ZMYM2: variants seen among roughly 807,000 people sequenced by gnomAD.
ZMYM2 encodes zinc finger MYM-type containing 2, also known as zinc finger MYM-type protein 2.
In ZMYM2, 56 loss-of-function variants were observed where a neutral mutation model predicts 162.8. The ratio of observed to expected loss-of-function variants is 0.34; its 90% CI spans 0.28 to 0.43. The LOEUF (loss-of-function observed/expected upper bound fraction) is 0.43, where lower values mean the gene tolerates loss of function less well. ZMYM2 is among the 20% of genes least tolerant of loss of function. ZMYM2 has a pLI of 1.00. For missense variants in ZMYM2, 1,275 were observed against 1,621.8 expected (o/e 0.79, Z 3.67); for synonymous variants, 510 against 541.6 (o/e 0.94, Z 0.81).
chr13:19,883,953 C>T, the ZMYM2 span, among the ~76,000 whole-genome samples: 1 of 152,212 alleles, frequency 6.6e-6, no homozygotes, highest in African/African-American at 2.4e-5. Context: ...GACGGGGTTT[C>T]ACCATGTTGC....
chr13:19,996,090 C>T (rs544061607), intron 3 of ZMYM2, among the ~76,000 whole-genome samples: 7 of 152,192 alleles, frequency 4.6e-5, no homozygotes, highest in African/African-American at 9.6e-5. Context: ...GTGTGTCTAT[C>T]GGCGTTTCTC....
At chr13:19,997,169 A>G (rs2139809355) in intron 3 of ZMYM2, among the ~76,000 whole-genome samples, 1 of 152,272 alleles carries the variant, frequency 6.6e-6, no homozygotes, top group Non-Finnish European at 1.5e-5. Flanking sequence ...TTTTTCCTCC[A>G]CTGCATTTTC....
chr13:20,056,313 A>G (rs888642952), intron 14 of ZMYM2, among the ~76,000 whole-genome samples: 1 of 152,174 alleles, frequency 6.6e-6, no homozygotes, highest in Non-Finnish European at 1.5e-5. Flanking sequence ...GAAGTTGAAC[A>G]CTATCTTCAG....
chr13:20,042,139 C>G (rs1321324257), intron 12 of ZMYM2, among the ~76,000 whole-genome samples: 2 of 152,104 alleles, frequency 1.3e-5, no homozygotes, highest in African/African-American at 4.8e-5. Flanking sequence ...TGGATGATAT[C>G]CAGAAATATG....
chr13:20,040,184 C>T (rs1954118071), intron 12 of ZMYM2, among the ~76,000 whole-genome samples: 1 of 152,172 alleles, frequency 6.6e-6, no homozygotes, highest in Non-Finnish European at 1.5e-5. Flanking sequence ...CTTTGTACAT[C>T]TGGTAGAATT....
At chr13:19,886,186 CAG>C in the ZMYM2 span, among the ~76,000 whole-genome samples, 17 of 86,122 alleles carry the variant, frequency 2.0e-4, no homozygotes, top group Non-Finnish European at 2.6e-4. Context: ...TTTTTTGAGA[CAG>C]AGTTTCACTC....
chr13:20,084,097 A>G (rs1286424513), intron 24 of ZMYM2, among the ~76,000 whole-genome samples: 1 of 152,020 alleles, frequency 6.6e-6, no homozygotes, highest in Non-Finnish European at 1.5e-5. Flanking sequence ...TTGCAACCTC[A>G]AACTCCTGGG....
chr13:19,984,748 C>T (rs1422940498), intron 2 of ZMYM2, among the ~76,000 whole-genome samples: 3 of 152,168 alleles, frequency 2.0e-5, no homozygotes, highest in East Asian at 3.8e-4. Context: ...TATTTACAGT[C>T]TATGATTTTA....
At chr13:19,964,593 A>G (rs980971939) in intron 2 of ZMYM2, among the ~76,000 whole-genome samples, 3 of 152,076 alleles carry the variant, frequency 2.0e-5, no homozygotes, top group South Asian at 2.1e-4. Context: ...AAACTTTTGC[A>G]CGTTTATGTT....
At chr13:20,003,651 T>A (rs1053990410) in intron 4 of ZMYM2, among the ~76,000 whole-genome samples, 2 of 151,778 alleles carry the variant, frequency 1.3e-5, no homozygotes, top group East Asian at 1.9e-4. Context: ...TTTTTTTTTT[T>A]AGGCAGAGTC....
chr13:20,012,423 G>A (rs1951278241), intron 6 of ZMYM2, among the ~76,000 whole-genome samples: 1 of 152,030 alleles, frequency 6.6e-6, no homozygotes, highest in Admixed American at 6.6e-5. Context: ...CAAGTGATCT[G>A]TCCTTCTCAG....
At chr13:19,974,353 CTTCA>C (rs957155392) in intron 2 of ZMYM2, among the ~76,000 whole-genome samples, 1 of 152,056 alleles carries the variant, frequency 6.6e-6, no homozygotes, top group Non-Finnish European at 1.5e-5. Flanking sequence ...TTTAGAGTTG[CTTCA>C]TTGTTTTGAA....
intron 12 of ZMYM2, among the ~76,000 whole-genome samples, chr13:20,046,697 G>GTGTGTATATA (rs1456637348): frequency 6.6e-6 from 1 of 150,844 alleles, no homozygotes; most frequent in Non-Finnish European, 1.5e-5. Flanking sequence ...ATATGTGTGT[G>GTGTGTATATA]TGTGTATATA....
the ZMYM2 span, chr13:19,864,823 CTCCACGAGGGGTCTTCTCTTTTGT>C: frequency 6.6e-6 from 1 of 152,230 alleles, no homozygotes; most frequent in Non-Finnish European, 1.5e-5. Flanking sequence ...CACAGGCCAC[CTCCACGAGGGGTCTTCTCTTTTGT>C]TCCTCGTCTA....
intron 6 of ZMYM2, among the ~76,000 whole-genome samples, chr13:20,016,283 A>G (rs901420045): frequency 6.6e-6 from 1 of 152,086 alleles, no homozygotes; most frequent in Non-Finnish European, 1.5e-5. Context: ...CTGCTCCTAT[A>G]TATCTGTTCC....
In ZMYM2 at chr13:19,994,012, G is replaced by T; in HGVS notation, c.847+93G>T. 5 of 1,347,676 alleles carry T rather than the reference G, an allele frequency of 3.7e-6. No homozygotes were observed. The South Asian group carries it at 4.7e-5, about 13-fold the overall frequency. The allele number at this position is 1,347,676 out of a possible 1,614,324, so 83.5% of individuals were successfully genotyped here. A position where few individuals can be genotyped will look rare whatever the true frequency, so the allele number is the denominator to read the frequency against. On this transcript the variant is annotated intron_variant, in intron 3 of 24. Coordinates refer to ENST00000610343, the MANE Select transcript of ZMYM2 (RefSeq NM_197968.4). ...GTAGTAACTGGTATTACCTTGTTTA[G>T]TTTCATCATGTGAAATATGTGAATT... is the stretch of plus-strand genomic sequence containing the variant.
rs1036753269 is a variant in ZMYM2, at chr13:20,088,944, C to T, written c.*2930C>T. 4 of 198,636 alleles carry T rather than the reference C, an allele frequency of 2.0e-5. No homozygotes were observed. In the East Asian group the frequency reaches 3.1e-4, roughly 16 times the overall value. 12.3% of individuals were successfully genotyped at this position (198,636 alleles called of 1,614,324 possible). On this transcript the variant is annotated 3_prime_UTR_variant, in exon 25 of 25. Coordinates refer to ENST00000610343, the MANE Select transcript of ZMYM2 (RefSeq NM_197968.4). The stretch of plus-strand genomic sequence containing the variant: ...TTAAATATCTTGCAGCCTTAAATCA[C>T]TACAAACATTTGCATTTTTATTATG...
At chr13:19,880,127 G>C in the ZMYM2 span, among the ~76,000 whole-genome samples, 1 of 152,118 alleles carries the variant, frequency 6.6e-6, no homozygotes, top group East Asian at 1.9e-4. Context: ...TACACCATCA[G>C]CTTTCCTAGT....
At chr13:19,928,622 C>T in the ZMYM2 span, among the ~76,000 whole-genome samples, 1 of 152,018 alleles carries the variant, frequency 6.6e-6, no homozygotes, top group Non-Finnish European at 1.5e-5. Context: ...CGTGGCAAAA[C>T]CTTGTCTCTA....
Sources: gnomAD v4.1 joint callset for allele counts (sites outside exome capture counted in the v4.1 genomes callset) on GRCh38, gnomAD v4.1.1 for gene constraint, MANE v1.5 for transcripts, NCBI Gene and HGNC (gene_info 2026-07-23, HGNC 2026-07-21) for gene names.